The following SRP68 variants were observed in gnomAD, a reference collection of about 807,000 sequenced individuals.
The protein encoded by SRP68 is signal recognition particle 68, also known as signal recognition particle subunit SRP68.
SRP68 carries 15 observed loss-of-function variants against 82.2 expected under a neutral mutation model. The observed-to-expected ratio is 0.18, with a 90% CI of 0.12 to 0.28. The LOEUF (loss-of-function observed/expected upper bound fraction) is 0.28, where lower values mean the gene tolerates loss of function less well. Among genes scored for constraint, SRP68 ranks in the 10% least tolerant of loss-of-function variants. The probability of loss-of-function intolerance (pLI) is 1.00; values close to 1 mark genes in which losing one functional copy is unlikely to be tolerated. For missense variants in SRP68, 595 were observed against 780.5 expected, an observed-to-expected ratio of 0.76 and a Z score of 2.83; for synonymous variants, 261 against 292.6, an observed-to-expected ratio of 0.89 and a Z score of 1.10.
In SRP68 at chr17:76,072,470, G is replaced by A. The variant is rs777395419; in HGVS notation, c.22C>T (p.Pro8Ser). 15 of 1,579,156 alleles carry A rather than the reference G, an allele frequency of 9.5e-6. 1 individual carries two copies. The highest frequency in any genetic ancestry group is 1.8e-4 in the Middle Eastern group (1 of 5,614). Residue 8 changes from proline (P) to serine (S), a missense_variant, in exon 1 of 16, where the codon CCA (proline) becomes TCA (serine). This residue lies in a region of SRP68 where 100 missense variants were observed against 91.9 expected (regional missense o/e 1.09). Coordinates refer to ENST00000307877, the MANE Select transcript of SRP68 (RefSeq NM_014230.4). The surrounding 1 kb of genome is among the most constrained non-coding windows in gnomAD (Gnocchi z 4.5). MAAEKQV[P>S]GGGGGGGSGG... ...CTGCCGCCGCCGCCGCCGCCGCCTG[G>A]GACCTGCTTCTCAGCAGCCATCTTG...
Position 76,047,968 on chromosome 17 carries a change from T to C in SRP68, c.1080A>G (p.Lys360=). The change falls in exon 10 of 16, where the codon AAA becomes AAG. Residue 360 remains lysine (K), a splice_region_variant and synonymous_variant. Coordinates refer to ENST00000307877, the MANE Select transcript of SRP68 (RefSeq NM_014230.4). ...CTCCTTCAAGGATATAATCTCTCTGTTTCTGCAGAAAGTGAAAAAGGTAAA... is the reference window on the plus strand; with the variant it reads ...CTCCTTCAAGGATATAATCTCTCTGCTTCTGCAGAAAGTGAAAAAGGTAAA... The part of the protein sequence containing the change: ...VVREELKPDQ[K]QRDYILEGEP... 1.3e-6 allele frequency: 2 copies of C among 1,571,350 alleles called. No individual in the cohort carries two copies. Among genetic ancestry groups the C allele is most frequent in the Admixed American group, 1.7e-5 (1 of 57,570 alleles).
At chr17:76,070,850 G>GCACACGCACACA (rs2066846813) in intron 1 of SRP68, among the ~76,000 whole-genome samples, 2 of 146,780 alleles carry the variant, frequency 1.4e-5, no homozygotes, top group African/African-American at 5.0e-5. Context: ...ACATGCACAT[G>GCACACGCACACA]CACACACACA....
At chr17:76,056,466 A>C (rs184074585) in intron 8 of SRP68, among the ~76,000 whole-genome samples, 22 of 152,338 alleles carry the variant, frequency 1.4e-4, no homozygotes, top group Admixed American at 7.8e-4. Flanking sequence ...TTAAGCAAAA[A>C]TTAACTTTCT....
intron 7 of SRP68, among the ~76,000 whole-genome samples, chr17:76,058,819 G>A (rs1598265392): frequency 6.6e-6 from 1 of 152,184 alleles, no homozygotes; most frequent in South Asian, 2.1e-4. Context: ...AATCAAGAAT[G>A]TGTGCAAAAT....
In SRP68 at chr17:76,039,072, A is replaced by T; in HGVS notation, c.*634T>A. 6.7e-6 allele frequency: 2 copies of T among 297,746 alleles called. No homozygotes were observed. The highest frequency in any genetic ancestry group is 1.4e-5 in the Non-Finnish European group (2 of 147,982). The allele number at this position is 297,746 out of a possible 1,614,324, so 18.4% of individuals were successfully genotyped here. Reference sequence around the variant, plus strand: ...CCCGAGGAGAGAACGGGGACTGGACATGAGGGAGGGCATATAAGAAATGGG... The same window carrying T: ...CCCGAGGAGAGAACGGGGACTGGACTTGAGGGAGGGCATATAAGAAATGGG... On this transcript the variant is annotated 3_prime_UTR_variant, in exon 16 of 16. Coordinates refer to ENST00000307877, the MANE Select transcript of SRP68 (RefSeq NM_014230.4).
chr17:76,056,356 T>C (rs1471028563), intron 8 of SRP68, among the ~76,000 whole-genome samples: 1 of 152,134 alleles, frequency 6.6e-6, no homozygotes, highest in Non-Finnish European at 1.5e-5. Context: ...CCCAATCACA[T>C]AATCTGAATA....
chr17:76,059,456 C>A (rs1442945695), intron 7 of SRP68, among the ~76,000 whole-genome samples: 1 of 151,852 alleles, frequency 6.6e-6, no homozygotes, highest in East Asian at 1.9e-4. Flanking sequence ...GCAGGGGAAT[C>A]GCTTGAACCT....
chr17:76,042,835 T>G (rs889818393), intron 13 of SRP68, among the ~76,000 whole-genome samples: 2 of 151,970 alleles, frequency 1.3e-5, no homozygotes. Flanking sequence ...TCTGCCCACC[T>G]CAGCTTCCCA....
chr17:76,057,014 G>A (rs1318530797), intron 8 of SRP68, among the ~76,000 whole-genome samples: 1 of 152,186 alleles, frequency 6.6e-6, no homozygotes, highest in Non-Finnish European at 1.5e-5. Flanking sequence ...ATCCTGCAAA[G>A]CCCCAGGACT....
At position 76,039,682 on chromosome 17, in the gene SRP68, C is replaced by G; in HGVS notation, c.*24G>C. The G allele has an allele frequency of 6.2e-7, 1 of 1,601,512 alleles. No homozygotes were observed. The highest frequency in any genetic ancestry group is 8.6e-7 in the Non-Finnish European group (1 of 1,169,184). On this transcript the variant is annotated 3_prime_UTR_variant, in exon 16 of 16. Coordinates refer to ENST00000307877, the MANE Select transcript of SRP68 (RefSeq NM_014230.4). ...AATACAGATTAAGAGTCAGAATCTC[C>G]CCCGCCCCCGAGGAAGAGCCTGGTT...
Position 76,040,996 on chromosome 17 carries a change from C to T in SRP68, c.1525-18G>A, listed in dbSNP as rs369613220. ...GGCAGGTCCTGTAAGATTCAGAAAACGTGTACTCCCGAGCCAGGGCCAGGT... is the reference window on the plus strand; with the variant it reads ...GGCAGGTCCTGTAAGATTCAGAAAATGTGTACTCCCGAGCCAGGGCCAGGT... On this transcript the variant is annotated intron_variant, in intron 13 of 15. Transcript: ENST00000307877. 6.1e-5 allele frequency: 99 copies of T among 1,610,532 alleles called. 1 individual carries two copies. In the African/African-American group the frequency reaches 1.1e-3, roughly 18 times the overall value.
Position 76,047,957 on chromosome 17 carries a change from T to C in SRP68, c.1091A>G (p.Tyr364Cys). Reference protein sequence around the residue: ...ELKPDQKQRDYILEGEPGKVS... With the variant: ...ELKPDQKQRDCILEGEPGKVS... ...CTTCCCTGGCTCTCCTTCAAGGATATAATCTCTCTGTTTCTGCAGAAAGTG... is the reference window on the plus strand; with the variant it reads ...CTTCCCTGGCTCTCCTTCAAGGATACAATCTCTCTGTTTCTGCAGAAAGTG... Residue 364 changes from tyrosine to cysteine, a missense_variant, in exon 10 of 16, where the codon TAT becomes TGT. By Grantham distance (194) the Tyr-to-Cys change is radical. This residue lies in a region of SRP68 where 495 missense variants were observed against 688.6 expected (regional missense o/e 0.72). Transcript: ENST00000307877. The C allele has an allele frequency of 6.3e-7, 1 of 1,576,236 alleles. No homozygotes were observed. Among genetic ancestry groups the C allele is most frequent in the Non-Finnish European group, 8.6e-7 (1 of 1,157,934 alleles).
intron 15 of SRP68, 141 bp from the exon 16 acceptor site, chr17:76,040,074 G>A (rs2066577777): frequency 6.1e-6 from 5 of 820,218 alleles, no homozygotes; most frequent in South Asian, 1.7e-5. Context: ...CTCCTACGAG[G>A]AGGGGCTACC....
rs1459978984 is a variant in SRP68, at chr17:76,057,616, T to C, written c.838-73A>G. 7 of 1,517,900 alleles carry C rather than the reference T, an allele frequency of 4.6e-6. No homozygotes were observed. In the African/African-American group the frequency reaches 9.7e-5, roughly 21 times the overall value. The allele number at this position is 1,517,900 out of a possible 1,614,324, so 94.0% of individuals were successfully genotyped here. A position where few individuals can be genotyped will look rare whatever the true frequency, so the allele number is the denominator to read the frequency against. On this transcript the variant is annotated intron_variant, in intron 7 of 15. Coordinates refer to ENST00000307877, the MANE Select transcript of SRP68 (RefSeq NM_014230.4). ...GATGGAGGTGAAAATAAGTGGAATC[T>C]ATCATTTGTCTCTTTGTATAACCAA...
In SRP68 at chr17:76,039,200, T is replaced by C. The variant is rs757020999; in HGVS notation, c.*506A>G. The C allele has an allele frequency of 5.6e-6, 2 of 356,866 alleles. No homozygotes were observed. The highest frequency in any genetic ancestry group is 1.1e-5 in the Non-Finnish European group (2 of 175,698). 22.1% of individuals were successfully genotyped at this position (356,866 alleles called of 1,614,324 possible). A position where few individuals can be genotyped will look rare whatever the true frequency, so the allele number is the denominator to read the frequency against. On this transcript the variant is annotated 3_prime_UTR_variant, in exon 16 of 16. Coordinates refer to ENST00000307877, the MANE Select transcript of SRP68 (RefSeq NM_014230.4). The stretch of plus-strand genomic sequence containing the variant: ...ATAGAGCTCTCTGCTTGTCTGAAAC[T>C]TCTTAGCGTTCACTGGGAGGTGAAG...
chr17:76,041,807 T>C (rs2066592457), intron 13 of SRP68, among the ~76,000 whole-genome samples: 1 of 152,090 alleles, frequency 6.6e-6, no homozygotes, highest in Non-Finnish European at 1.5e-5. Flanking sequence ...AGAGAGCTTC[T>C]TCTCTACCCC....
rs1567934803 is a variant in SRP68 at position 76,062,587 on chromosome 17, A to ATATAATATACATTATATAT, written c.562-1014_562-1013insATATATAATGTATATTATA. Among the ~76,000 whole-genome samples, 168 of 31,188 alleles carry ATATAATATACATTATATAT rather than the reference A, an allele frequency of 5.4e-3. 16 individuals carry two copies. The highest frequency in any genetic ancestry group is 0.011 in the African/African-American group (49 of 4,536). The allele number at this position is 31,188 out of a possible 152,430, so 20.5% of individuals were successfully genotyped here. On this transcript the variant is annotated intron_variant, in intron 4 of 15. Coordinates refer to ENST00000307877, the MANE Select transcript of SRP68 (RefSeq NM_014230.4). ...TATATTATATAATATACATTATATA[A>ATATAATATACATTATATAT]TATATAATATACATTATATATTATA...
chr17:76,065,056 CTT>C (rs1475666559), intron 3 of SRP68, among the ~76,000 whole-genome samples: 1 of 152,072 alleles, frequency 6.6e-6, no homozygotes, highest in African/African-American at 2.4e-5. Flanking sequence ...TCGTTAACTA[CTT>C]TATTATTATA....
intron 2 of SRP68, among the ~76,000 whole-genome samples, chr17:76,069,342 C>A (rs988041801): frequency 6.6e-6 from 1 of 151,498 alleles, no homozygotes; most frequent in African/African-American, 2.4e-5. Context: ...ACACCGAGAT[C>A]GTGCCACTGC....
Sources: allele counts gnomAD v4.1 joint callset (sites outside exome capture counted in the v4.1 genomes callset), GRCh38; gene constraint gnomAD v4.1.1; regional missense constraint gnomAD v4.1.1; non-coding constraint Gnocchi (gnomAD v3.1); transcripts MANE v1.5; gene names NCBI Gene and HGNC (gene_info 2026-07-23, HGNC 2026-07-21).